Variants in EPHA5 observed in about 807,000 individuals in gnomAD.
EPHA5 encodes EPH receptor A5, also known as ephrin type-A receptor 5.
EPHA5 carries 60 observed loss-of-function variants against 105.0 expected under a neutral mutation model. The ratio of observed to expected loss-of-function variants is 0.57; its 90% CI spans 0.46 to 0.71. The LOEUF is 0.71. Among genes scored for constraint, EPHA5 ranks in the 30% least tolerant of loss-of-function variants. The pLI is 0.00. For synonymous variants in EPHA5, 513 were observed against 449.1 expected, an observed-to-expected ratio of 1.14 and a Z score of -1.80; for missense variants, 1,218 against 1,274.7, an observed-to-expected ratio of 0.96 and a Z score of 0.68.
intron 3 of EPHA5, among the ~76,000 whole-genome samples, chr4:65,596,606 T>C (rs866748714): frequency 1.3e-5 from 2 of 151,984 alleles, no homozygotes; most frequent in East Asian, 3.9e-4. Context: ...TTTGAATTAT[T>C]CTCTTGTGTA....
At chr4:65,361,559 G>A (rs1159151288) in intron 11 of EPHA5, among the ~76,000 whole-genome samples, 2 of 151,442 alleles carry the variant, frequency 1.3e-5, no homozygotes, top group Non-Finnish European at 3.0e-5. Flanking sequence ...TTGGAATAAT[G>A]TTAGTTAATA....
intron 3 of EPHA5, among the ~76,000 whole-genome samples, chr4:65,543,424 C>T (rs1448336299): frequency 6.6e-6 from 1 of 151,866 alleles, no homozygotes; most frequent in Admixed American, 6.6e-5. Context: ...TCCTATACAC[C>T]AACAATAGAC....
chr4:65,582,944 T>C (rs971905762), intron 3 of EPHA5, among the ~76,000 whole-genome samples: 5 of 151,666 alleles, frequency 3.3e-5, no homozygotes, highest in Admixed American at 6.6e-5. Context: ...TATATCTTTG[T>C]CTCTTTTAAA....
At chr4:65,512,668 C>T (rs1241893761) in intron 3 of EPHA5, among the ~76,000 whole-genome samples, 1 of 152,086 alleles carries the variant, frequency 6.6e-6, no homozygotes, top group Non-Finnish European at 1.5e-5. Flanking sequence ...GCCAATAGGG[C>T]TTCCTGTAAA....
intron 16 of EPHA5, among the ~76,000 whole-genome samples, chr4:65,327,398 C>G (rs1292563079): frequency 6.6e-6 from 1 of 151,162 alleles, no homozygotes; most frequent in Non-Finnish European, 1.5e-5. Context: ...CTTCCTTTTA[C>G]TTCTCTCTTG....
At chr4:65,547,518 G>T (rs959194031) in intron 3 of EPHA5, among the ~76,000 whole-genome samples, 1 of 151,804 alleles carries the variant, frequency 6.6e-6, no homozygotes, top group Admixed American at 6.6e-5. Context: ...TATATTAAAG[G>T]TGATGTTCCG....
At chr4:65,459,125 G>A (rs1305047792) in intron 5 of EPHA5, among the ~76,000 whole-genome samples, 1 of 151,868 alleles carries the variant, frequency 6.6e-6, no homozygotes, top group Non-Finnish European at 1.5e-5. Flanking sequence ...TTTAAACTGG[G>A]GCCAATTTGT....
At chr4:65,380,102 T>C (rs1330879046) in intron 8 of EPHA5, among the ~76,000 whole-genome samples, 1 of 151,760 alleles carries the variant, frequency 6.6e-6, no homozygotes, top group Admixed American at 6.6e-5. Flanking sequence ...CAAAATGTGC[T>C]AGAAATAGCA....
At chr4:65,526,948 A>G (rs1272820868) in intron 3 of EPHA5, among the ~76,000 whole-genome samples, 1 of 152,092 alleles carries the variant, frequency 6.6e-6, no homozygotes, top group Non-Finnish European at 1.5e-5. Flanking sequence ...GCTACTAAAC[A>G]TAAAAGAGAT....
intron 3 of EPHA5, among the ~76,000 whole-genome samples, chr4:65,537,950 A>T (rs1736449245): frequency 6.6e-6 from 1 of 151,750 alleles, no homozygotes. Flanking sequence ...AACTATGAAC[A>T]CACACAGTCA....
In EPHA5 at chr4:65,476,121, A is replaced by AGTGTGTGT. The variant is rs1265229948; in HGVS notation, c.1402+14255_1402+14256insACACACAC. Among the ~76,000 whole-genome samples, 622 of 133,060 alleles carry AGTGTGTGT rather than the reference A, an allele frequency of 4.7e-3. 4 individuals carry two copies. The highest frequency in any genetic ancestry group is 0.016 in the African/African-American group (550 of 34,710). The allele number at this position is 133,060 out of a possible 152,430, so 87.3% of individuals were successfully genotyped here. On this transcript the variant is annotated intron_variant, in intron 5 of 16. Coordinates refer to ENST00000613740, the MANE Select transcript of EPHA5 (RefSeq NM_001281766.3). ...CACTGAGAGAGAGAGAGAGAGAGAG[A>AGTGTGTGT]GAGAGAGTGTGTGTGTGTGTGTGTG...
chr4:65,458,012 T>TG (rs1202568990), intron 5 of EPHA5, among the ~76,000 whole-genome samples: 1 of 137,890 alleles, frequency 7.3e-6, no homozygotes, highest in Non-Finnish European at 1.5e-5. Context: ...AGGCGGAACT[T>TG]GCAGTGAGCC....
At chr4:65,490,788 TG>T in intron 4 of EPHA5, 76 bp from the exon 5 acceptor site, 1 of 1,415,350 alleles carries the variant, frequency 7.1e-7, no homozygotes, top group Non-Finnish European at 9.6e-7. Context: ...CACCAATTCC[TG>T]GTCTGAAGGA....
Position 65,332,054 on chromosome 4 carries a change from G to A in EPHA5, c.2864C>T (p.Ala955Val), listed in dbSNP as rs2148798839. ...CTCTGTATACCGGCCCATCTTGATT[G>A]CCTCTAGCCATTCACCTACTGATCT... is the stretch of plus-strand genomic sequence containing the variant. Reference protein sequence around the residue: ...AYRSVGEWLEAIKMGRYTEIF... With the variant: ...AYRSVGEWLEVIKMGRYTEIF... The change falls in exon 16 of 17, where the codon GCA becomes GTA. Residue 955 changes from alanine to valine, a missense_variant. Around this residue, in one of 3 missense-constraint regions of EPHA5, gnomAD observed 971 missense variants for 1,013.5 expected, o/e 0.96. Transcript: ENST00000613740. 6.2e-7 allele frequency: 1 copy of A among 1,611,698 alleles called. No individual in the cohort carries two copies.
chr4:65,618,260 A>C lies in EPHA5; in HGVS notation c.247-15956T>G, dbSNP rs1269663293. ...AACTAAATACTAAAGTTTCTTTGATATATACCTGATAAGCTGTAGAATTTC... is the reference window on the plus strand; with the variant it reads ...AACTAAATACTAAAGTTTCTTTGATCTATACCTGATAAGCTGTAGAATTTC... On this transcript the variant is annotated intron_variant, in intron 2 of 16. Coordinates refer to ENST00000613740, the MANE Select transcript of EPHA5 (RefSeq NM_001281766.3). 2.0e-5 allele frequency among the ~76,000 whole-genome samples: 3 copies of C among 152,230 alleles called. No individual in the cohort carries two copies. In the East Asian group the frequency reaches 5.8e-4, roughly 29 times the overall value.
At chr4:65,607,014 A>T (rs1744293392) in intron 2 of EPHA5, among the ~76,000 whole-genome samples, 1 of 152,156 alleles carries the variant, frequency 6.6e-6, no homozygotes, top group Non-Finnish European at 1.5e-5. Flanking sequence ...ATATCTTCTC[A>T]AGTTCCTCAA....
chr4:65,592,872 G>A (rs1157571357), intron 3 of EPHA5, among the ~76,000 whole-genome samples: 4 of 152,170 alleles, frequency 2.6e-5, no homozygotes, highest in Non-Finnish European at 5.9e-5. Context: ...CACCGTAAAT[G>A]TTGAGCACAG....
chr4:65,587,180 A>G (rs1319975866), intron 3 of EPHA5, among the ~76,000 whole-genome samples: 1 of 152,074 alleles, frequency 6.6e-6, no homozygotes, highest in African/African-American at 2.4e-5. Flanking sequence ...TGGTGGGGAG[A>G]TGAAGAATCC....
intron 11 of EPHA5, among the ~76,000 whole-genome samples, chr4:65,363,290 T>TCA (rs1374335877): frequency 1.3e-5 from 2 of 151,618 alleles, no homozygotes; most frequent in African/African-American, 4.8e-5. Context: ...AGTGTCATCT[T>TCA]CACAATAATG....
Sources: gnomAD v4.1 joint callset for allele counts (sites outside exome capture counted in the v4.1 genomes callset) on GRCh38, gnomAD v4.1.1 for gene constraint, gnomAD v4.1.1 regional missense constraint, MANE v1.5 for transcripts, NCBI Gene and HGNC (gene_info 2026-07-23, HGNC 2026-07-21) for gene names.